The following NOSTRIN variants were observed in gnomAD, a reference collection of about 807,000 sequenced individuals.
NOSTRIN encodes BM247 homolog.
A neutral mutation model predicts 59.0 loss-of-function variants in NOSTRIN; 63 were observed. The observed-to-expected ratio is 1.07, with a 90% CI of 0.87 to 1.32. The LOEUF (loss-of-function observed/expected upper bound fraction) is 1.32, where lower values mean the gene tolerates loss of function less well. Among genes scored for constraint, NOSTRIN ranks in the 40% most tolerant of loss-of-function variants. The probability of loss-of-function intolerance (pLI) is 0.00; values close to 1 mark genes in which losing one functional copy is unlikely to be tolerated. For synonymous variants in NOSTRIN, 200 were observed against 165.4 expected, an observed-to-expected ratio of 1.21 and a Z score of -1.61; for missense variants, 512 against 473.1, an observed-to-expected ratio of 1.08 and a Z score of -0.76.
Position 168,862,046 on chromosome 2 carries a change from A to G in NOSTRIN, c.1381A>G (p.Lys461Glu). ...GCAAGATGATGAGTTGAATTTGGAA[A>G]AGGGTAAGAATCATTCTCAAATATT... ...ARQDDELNLE[K>E]GDIVIIHEKK... Residue 461 changes from lysine to glutamate, a missense_variant, in exon 15 of 16, where the codon AAG becomes GAG. Transcript: ENST00000317647. 6.2e-7 allele frequency: 1 copy of G among 1,613,642 alleles called. No individual in the cohort carries two copies. Among genetic ancestry groups the G allele is most frequent in the Non-Finnish European group, 8.5e-7 (1 of 1,179,528 alleles).
At chr2:168,852,548 T>A (rs996164960) in intron 10 of NOSTRIN, among the ~76,000 whole-genome samples, 5 of 152,172 alleles carry the variant, frequency 3.3e-5, no homozygotes, top group African/African-American at 1.2e-4. Flanking sequence ...CTCTGCCATA[T>A]TTTATTCAGG....
intron 10 of NOSTRIN, among the ~76,000 whole-genome samples, chr2:168,853,016 G>A (rs1453389505): frequency 2.0e-5 from 3 of 152,086 alleles, no homozygotes; most frequent in African/African-American, 7.2e-5. Flanking sequence ...CAAATAACTT[G>A]TCAATAAAAT....
In NOSTRIN at chr2:168,838,715, C is replaced by T. The variant is rs1687882326; in HGVS notation, c.505-4277C>T. Among the ~76,000 whole-genome samples the T allele has an allele frequency of 2.0e-5, 3 of 151,926 alleles. No homozygotes were observed. The South Asian group carries it at 6.2e-4, about 32-fold the overall frequency. ...AAGCCAAGCTGACTTTTCTTAAACT[C>T]GAATCTGAGCATATCATTCCTTTTG... On this transcript the variant is annotated intron_variant, in intron 7 of 15. Coordinates refer to ENST00000317647, the MANE Select transcript of NOSTRIN (RefSeq NM_001039724.4).
intron 8 of NOSTRIN, among the ~76,000 whole-genome samples, chr2:168,844,060 G>A (rs547027128): frequency 4.6e-5 from 7 of 152,266 alleles, no homozygotes; most frequent in Non-Finnish European, 7.4e-5. Flanking sequence ...AATTAACCTC[G>A]AAAAACATGA....
chr2:168,814,450 C>G (rs935294265), intron 2 of NOSTRIN, among the ~76,000 whole-genome samples: 1 of 152,172 alleles, frequency 6.6e-6, no homozygotes, highest in Non-Finnish European at 1.5e-5. Context: ...CCTTATTTTC[C>G]TCTTAAAGGT....
At chr2:168,855,638 C>CAAAAAAAAAAAAAAAAAAAAAAAAAAA in intron 11 of NOSTRIN, 178 bp downstream of exon 11, 1 of 115,544 alleles carries the variant, frequency 8.7e-6, no homozygotes, top group Non-Finnish European at 1.6e-5. Flanking sequence ...AAAAGAAAGC[C>CAAAAAAAAAAAAAAAAAAAAAAAAAAA]AAAAAAAAAA....
chr2:168,790,327 G>A (rs1238494820), intron 2 of NOSTRIN, among the ~76,000 whole-genome samples: 2 of 152,300 alleles, frequency 1.3e-5, no homozygotes, highest in South Asian at 4.1e-4. Context: ...GGAGAAAGGT[G>A]TTTGCCTAGT....
intron 2 of NOSTRIN, among the ~76,000 whole-genome samples, chr2:168,812,672 A>C (rs970688573): frequency 1.3e-5 from 2 of 152,178 alleles, no homozygotes; most frequent in Non-Finnish European, 2.9e-5. Flanking sequence ...GGCTTCCAAA[A>C]GGCAGGAAAA....
At chr2:168,789,820 G>A (rs572922193) in intron 2 of NOSTRIN, among the ~76,000 whole-genome samples, 33 of 152,232 alleles carry the variant, frequency 2.2e-4, no homozygotes, top group Admixed American at 3.3e-4. Context: ...GAAACAAAGG[G>A]CCTTCAAGAA....
At chr2:168,834,507 G>T (rs60880453) in intron 7 of NOSTRIN, among the ~76,000 whole-genome samples, 182 bp downstream of exon 7, 1 of 125,342 alleles carries the variant, frequency 8.0e-6, no homozygotes, top group African/African-American at 3.1e-5. Flanking sequence ...GCGCGCGCGC[G>T]CACACACACA....
intron 7 of NOSTRIN, among the ~76,000 whole-genome samples, chr2:168,834,527 A>G (rs1298863879): frequency 3.7e-5 from 5 of 135,598 alleles, no homozygotes; most frequent in East Asian, 4.8e-4. Flanking sequence ...ACACACACAC[A>G]CACACACACA....
chr2:168,829,492 T>G (rs979400746), intron 5 of NOSTRIN, among the ~76,000 whole-genome samples: 1 of 152,146 alleles, frequency 6.6e-6, no homozygotes, highest in Admixed American at 6.5e-5. Context: ...GGCTAATTTT[T>G]GTATTTTTAG....
intron 10 of NOSTRIN, among the ~76,000 whole-genome samples, chr2:168,853,947 A>C (rs576632332): frequency 2.7e-4 from 41 of 152,200 alleles, no homozygotes; most frequent in Non-Finnish European, 4.7e-4. Flanking sequence ...AGCTCACTGC[A>C]ACCTCTGCCT....
chr2:168,800,606 G>A (rs1202369131), upstream of NOSTRIN, among the ~76,000 whole-genome samples: 2 of 152,156 alleles, frequency 1.3e-5, no homozygotes. Context: ...GGATAGGAGT[G>A]CCCTACCAAT....
intron 2 of NOSTRIN, 73 bp downstream of exon 2, chr2:168,811,725 T>C (rs1686146185): frequency 1.6e-6 from 1 of 643,034 alleles, no homozygotes; most frequent in South Asian, 2.1e-5. Flanking sequence ...GGAGGAGTGA[T>C]TACAAGCTGT....
chr2:168,816,217 A>G (rs1381715676), intron 2 of NOSTRIN, among the ~76,000 whole-genome samples: 3 of 152,200 alleles, frequency 2.0e-5, no homozygotes, highest in Non-Finnish European at 4.4e-5. Flanking sequence ...TTTCCAATCC[A>G]AGCAAAGTTT....
At chr2:168,817,523 T>A (rs1014620800) in intron 2 of NOSTRIN, among the ~76,000 whole-genome samples, 2 of 148,368 alleles carry the variant, frequency 1.3e-5, no homozygotes, top group African/African-American at 5.1e-5. Flanking sequence ...TTTGTTTCCC[T>A]GCTGAAAAGC....
Position 168,834,517 on chromosome 2 carries a change from A to ACGCGCACACG in NOSTRIN, c.504+193_504+194insGCGCACACGC, listed in dbSNP as rs1469301503. Among the ~76,000 whole-genome samples, 6 of 129,190 alleles carry ACGCGCACACG rather than the reference A, an allele frequency of 4.6e-5. No homozygotes were observed. The East Asian group carries it at 1.8e-3, about 39-fold the overall frequency. 84.8% of individuals were successfully genotyped at this position (129,190 alleles called of 152,430 possible). ...CGCGCGCGCGCGCGCGCACACACAC[A>ACGCGCACACG]CACACACACACACACACACACACAC... On this transcript the variant is annotated intron_variant, in intron 7 of 15. Coordinates refer to ENST00000317647, the MANE Select transcript of NOSTRIN (RefSeq NM_001039724.4).
intron 1 of NOSTRIN, among the ~76,000 whole-genome samples, chr2:168,805,834 T>A (rs1356951390): frequency 6.6e-6 from 1 of 152,082 alleles, no homozygotes; most frequent in African/African-American, 2.4e-5. Flanking sequence ...GGTCCGTAGC[T>A]CCTAGGAGAA....
Sources: gnomAD v4.1 joint callset for allele counts (sites outside exome capture counted in the v4.1 genomes callset) on GRCh38, gnomAD v4.1.1 for gene constraint, MANE v1.5 for transcripts, NCBI Gene and HGNC (gene_info 2026-07-23, HGNC 2026-07-21) for gene names.